Variants in MS4A13 observed in about 807,000 individuals in gnomAD.
MS4A13 encodes the protein membrane-spanning 4-domains subfamily A member 13.
MS4A13 carries 21 observed loss-of-function variants against 18.4 expected under a neutral mutation model. The ratio of observed to expected loss-of-function variants is 1.14; its 90% confidence interval spans 0.81 to 1.64. The LOEUF (loss-of-function observed/expected upper bound fraction) is 1.64, where lower values mean the gene tolerates loss of function less well. MS4A13 is among the 40% of genes most tolerant of loss of function. The pLI, the probability that MS4A13 is intolerant of heterozygous loss-of-function variation, is 0.00. For synonymous variants in MS4A13, 62 were observed against 57.2 expected (o/e 1.08, Z -0.38); for missense variants, 173 against 176.8 (o/e 0.98, Z 0.12).
intron 6 of MS4A13, among the ~76,000 whole-genome samples, chr11:60,539,679 A>C (rs1432556437): frequency 6.6e-6 from 1 of 151,572 alleles, no homozygotes. Flanking sequence ...CAAACTGATA[A>C]AAAAGAAAAT....
downstream of MS4A13, chr11:60,542,727 CT>C: frequency 2.1e-6 from 1 of 479,606 alleles, no homozygotes; most frequent in Non-Finnish European, 3.8e-6. Context: ...AAAAATGTCT[CT>C]GCTTATATTT....
At chr11:60,533,823 C>A (rs1232345664) in intron 6 of MS4A13, among the ~76,000 whole-genome samples, 2 of 77,450 alleles carry the variant, frequency 2.6e-5, no homozygotes, top group Non-Finnish European at 4.8e-5. Context: ...CAGTGGATCT[C>A]TCGGCAGAAA....
downstream of MS4A13, among the ~76,000 whole-genome samples, chr11:60,543,015 G>A (rs911171313): frequency 6.6e-6 from 1 of 152,078 alleles, no homozygotes; most frequent in East Asian, 1.9e-4. Flanking sequence ...TTCTATCAAA[G>A]TATGAATCAA....
At chr11:60,523,744 G>A (rs980964592) in intron 3 of MS4A13, among the ~76,000 whole-genome samples, 153 bp from the exon 4 acceptor site, 5 of 152,178 alleles carry the variant, frequency 3.3e-5, no homozygotes, top group African/African-American at 9.7e-5. Context: ...ACTACATGAT[G>A]TAAATTTGTC....
rs765990842 is a variant in MS4A13, at chr11:60,542,657, C to T, written c.*82C>T. 82 of 774,506 alleles carry T rather than the reference C, an allele frequency of 1.1e-4. No homozygotes were observed. The highest frequency in any genetic ancestry group is 1.4e-4 in the Non-Finnish European group (71 of 493,684). The allele number at this position is 774,506 out of a possible 1,614,324, so 48.0% of individuals were successfully genotyped here. A position where few individuals can be genotyped will look rare whatever the true frequency, so the allele number is the denominator to read the frequency against. ...ATATCTCTGTATAACAAAGCAGTTACGAAGCCTACAGATTTTGTGCAAAAT... is the reference window on the plus strand; with the variant it reads ...ATATCTCTGTATAACAAAGCAGTTATGAAGCCTACAGATTTTGTGCAAAAT... On this transcript the variant is annotated 3_prime_UTR_variant, in exon 7 of 7. Transcript: ENST00000378186.
At chr11:60,529,925 G>C (rs1293685700) in intron 6 of MS4A13, among the ~76,000 whole-genome samples, 2 of 152,012 alleles carry the variant, frequency 1.3e-5, no homozygotes, top group African/African-American at 4.8e-5. Context: ...TATGTAGCTT[G>C]GTTTCCAGTT....
intron 5 of MS4A13, among the ~76,000 whole-genome samples, chr11:60,527,362 G>C (rs7111749): frequency 0.081 from 4,986 of 61,674 alleles, 314 homozygotes; most frequent in South Asian, 0.16. Flanking sequence ...CATTCATTCC[G>C]TCTCTCTCTC....
chr11:60,539,803 G>C (rs1395795086), intron 6 of MS4A13, among the ~76,000 whole-genome samples: 1 of 152,164 alleles, frequency 6.6e-6, no homozygotes, highest in African/African-American at 2.4e-5. Context: ...GTAGTGGAAT[G>C]GGATATTAAA....
At chr11:60,518,458 G>C (rs556027991) in intron 3 of MS4A13, among the ~76,000 whole-genome samples, 1 of 152,230 alleles carries the variant, frequency 6.6e-6, no homozygotes, top group African/African-American at 2.4e-5. Flanking sequence ...AGGGCAGTTT[G>C]TCCCTAGATA....
intron 6 of MS4A13, among the ~76,000 whole-genome samples, chr11:60,542,156 A>G (rs2086864503): frequency 2.0e-5 from 3 of 150,240 alleles, no homozygotes. Context: ...GAATGTAGGA[A>G]GGAAAAAGAG....
intron 6 of MS4A13, among the ~76,000 whole-genome samples, chr11:60,540,959 A>C (rs949482521): frequency 6.7e-6 from 1 of 148,402 alleles, no homozygotes; most frequent in African/African-American, 2.5e-5. Context: ...TATCTCACAA[A>C]AAAAAAAAAA....
chr11:60,527,445 T>TGTGTGTGTGTGTGTGTGTG (rs2086726963), intron 5 of MS4A13, among the ~76,000 whole-genome samples: 2 of 149,318 alleles, frequency 1.3e-5, no homozygotes, highest in Middle Eastern at 3.2e-3. Flanking sequence ...TGTGTGTGTG[T>TGTGTGTGTGTGTGTGTGTG]TTCCGTTTCC....
At chr11:60,542,917 C>T (rs1033933410), downstream of MS4A13, among the ~76,000 whole-genome samples, 1 of 152,008 alleles carries the variant, frequency 6.6e-6, no homozygotes, top group African/African-American at 2.4e-5. Flanking sequence ...GCCATGATGT[C>T]GTATAATTCA....
intron 3 of MS4A13, among the ~76,000 whole-genome samples, chr11:60,522,363 C>T (rs12222298): frequency 0.1 from 15,533 of 151,450 alleles, 1,034 homozygotes; most frequent in East Asian, 0.29. Context: ...TCAATTCATT[C>T]GAAAAGAGGA....
rs1246761136 is a variant in MS4A13 at position 60,525,869 on chromosome 11, A to G, written c.306+543A>G. Among the ~76,000 whole-genome samples, 47 of 136,758 alleles carry G rather than the reference A, an allele frequency of 3.4e-4. No homozygotes were observed. In the Admixed American group the frequency reaches 3.7e-3, roughly 11 times the overall value. The allele number at this position is 136,758 out of a possible 152,430, so 89.7% of individuals were successfully genotyped here. The stretch of plus-strand genomic sequence containing the variant: ...TGTGAAGATTTTTACTGATAACACA[A>G]TAGTTTTATTTTAATTATATTGGCT... On this transcript the variant is annotated intron_variant, in intron 5 of 6. Transcript: ENST00000378186.
chr11:60,540,343 C>G (rs551256492), intron 6 of MS4A13, among the ~76,000 whole-genome samples: 1 of 152,254 alleles, frequency 6.6e-6, no homozygotes, highest in East Asian at 1.9e-4. Flanking sequence ...CTTCAATAGA[C>G]AGTTTCTCAA....
At chr11:60,533,772 G>A (rs1387850743) in intron 6 of MS4A13, among the ~76,000 whole-genome samples, 18 of 52,144 alleles carry the variant, frequency 3.5e-4, no homozygotes, top group African/African-American at 1.5e-3. Context: ...CAGCCAGAGA[G>A]AAAGGTCGGG....
At chr11:60,542,433 T>A (rs1347726376) in intron 6 of MS4A13, 86 bp from the exon 7 acceptor site, 8 of 849,070 alleles carry the variant, frequency 9.4e-6, no homozygotes, top group Admixed American at 4.7e-5. Flanking sequence ...CAGTATTACC[T>A]GTATTTTTTA....
intron 3 of MS4A13, among the ~76,000 whole-genome samples, chr11:60,523,399 G>C (rs1565211358): frequency 6.6e-6 from 1 of 152,160 alleles, no homozygotes; most frequent in Non-Finnish European, 1.5e-5. Context: ...GCAAAGGCAT[G>C]AATTTCTGCC....
Sources: gnomAD v4.1 joint callset for allele counts (sites outside exome capture counted in the v4.1 genomes callset) on GRCh38, gnomAD v4.1.1 for gene constraint, MANE v1.5 for transcripts, NCBI Gene and HGNC (gene_info 2026-07-23, HGNC 2026-07-21) for gene names.